ANXA8: variants seen among roughly 807,000 people sequenced by gnomAD.
ANXA8 encodes VAC-beta.
ANXA8 carries 9 observed loss-of-function variants against 26.8 expected under a neutral mutation model. The ratio of observed to expected loss-of-function variants is 0.34; its 90% CI spans 0.20 to 0.59. The LOEUF (loss-of-function observed/expected upper bound fraction) is 0.59. ANXA8 is among the 20% of genes least tolerant of loss of function. ANXA8 has a pLI of 0.84. For synonymous variants in ANXA8, 39 were observed against 94.8 expected (o/e 0.41, Z 3.42); for missense variants, 83 against 238.5 (o/e 0.35, Z 4.29).
At chr10:47,974,169 G>C in the ANXA8 span, among the ~76,000 whole-genome samples, 1 of 150,404 alleles carries the variant, frequency 6.6e-6, no homozygotes, top group East Asian at 2.0e-4. Context: ...TACAAATTCT[G>C]CTTCTGGCAG....
chr10:47,560,740 G>A, the ANXA8 span, among the ~76,000 whole-genome samples: 2 of 152,044 alleles, frequency 1.3e-5, no homozygotes. Context: ...TCCTGGCTTA[G>A]TGTAGTTATC....
At chr10:47,531,770 CA>C in the ANXA8 span, among the ~76,000 whole-genome samples, 1 of 145,156 alleles carries the variant, frequency 6.9e-6, no homozygotes, top group Admixed American at 6.6e-5. Flanking sequence ...TGTAATGTTC[CA>C]AATGAGGCCA....
At chr10:47,775,694 TA>T in the ANXA8 span, among the ~76,000 whole-genome samples, 1 of 133,268 alleles carries the variant, frequency 7.5e-6, no homozygotes, top group Non-Finnish European at 1.6e-5. Context: ...TATTGCCTAA[TA>T]CAATAATTCT....
the ANXA8 span, among the ~76,000 whole-genome samples, chr10:47,952,165 T>C: frequency 6.6e-6 from 1 of 151,284 alleles, no homozygotes; most frequent in Non-Finnish European, 1.5e-5. Flanking sequence ...ACAGGTATTA[T>C]CAAATTTGAT....
chr10:47,681,534 T>TC, the ANXA8 span, among the ~76,000 whole-genome samples: 1 of 133,068 alleles, frequency 7.5e-6, no homozygotes, highest in East Asian at 2.4e-4. Context: ...TTTTTTTTTT[T>TC]TTTTTTTTTT....
the ANXA8 span, among the ~76,000 whole-genome samples, chr10:47,492,937 T>G: frequency 6.6e-6 from 1 of 150,952 alleles, no homozygotes; most frequent in African/African-American, 2.5e-5. Context: ...TGTCGGGGCC[T>G]GATTAGTTTA....
At chr10:47,984,461 CAAAG>C in the ANXA8 span, among the ~76,000 whole-genome samples, 1 of 134,330 alleles carries the variant, frequency 7.4e-6, no homozygotes, top group African/African-American at 2.7e-5. Context: ...AATATCAAAA[CAAAG>C]AAACTGACAT....
At chr10:47,686,437 C>T in the ANXA8 span, among the ~76,000 whole-genome samples, 5 of 151,738 alleles carry the variant, frequency 3.3e-5, no homozygotes, top group Non-Finnish European at 2.9e-5. Context: ...GGCTTGAACT[C>T]CTGACCTCAG....
At chr10:47,651,063 G>A in the ANXA8 span, among the ~76,000 whole-genome samples, 6 of 151,474 alleles carry the variant, frequency 4.0e-5, no homozygotes, top group African/African-American at 9.7e-5. Context: ...GGAGATAGGC[G>A]TGGTTTGTGC....
chr10:47,590,459 C>T, the ANXA8 span: 8 of 146,838 alleles, frequency 5.4e-5, 1 homozygote, highest in African/African-American at 2.2e-4. Flanking sequence ...TTCCAGTTTC[C>T]TCCCAAAGAG....
chr10:47,647,163 T>A, the ANXA8 span, among the ~76,000 whole-genome samples: 3 of 152,356 alleles, frequency 2.0e-5, no homozygotes, highest in East Asian at 3.9e-4. Context: ...CTTCTTGCAT[T>A]AACTGCAATA....
At chr10:47,560,135 G>A in the ANXA8 span, among the ~76,000 whole-genome samples, 1 of 151,850 alleles carries the variant, frequency 6.6e-6, no homozygotes, top group Non-Finnish European at 1.5e-5. Context: ...TGTGGAAGGA[G>A]AGGTCTGGTT....
At chr10:47,953,745 G>A in the ANXA8 span, among the ~76,000 whole-genome samples, 20,015 of 145,012 alleles carry the variant, frequency 0.14, 235 homozygotes, top group African/African-American at 0.2. Context: ...CTGAATAGAC[G>A]CTTCTCAAAA....
At chr10:47,684,342 C>G in the ANXA8 span, among the ~76,000 whole-genome samples, 2 of 151,712 alleles carry the variant, frequency 1.3e-5, no homozygotes, top group Non-Finnish European at 2.9e-5. Flanking sequence ...TATTTAGTAG[C>G]AGTAGCCTTT....
chr10:47,668,027 C>T, the ANXA8 span, among the ~76,000 whole-genome samples: 15 of 151,822 alleles, frequency 9.9e-5, no homozygotes, highest in Non-Finnish European at 1.6e-4. Context: ...CGTGAGCCAC[C>T]GTGCCTGGCT....
At chr10:47,565,988 T>A in the ANXA8 span, 4 of 1,443,302 alleles carry the variant, frequency 2.8e-6, no homozygotes, top group African/African-American at 3.0e-5. Flanking sequence ...GGGGAGCTTC[T>A]CGGGCAGCGT....
At chr10:47,982,468 G>A in the ANXA8 span, among the ~76,000 whole-genome samples, 2 of 146,472 alleles carry the variant, frequency 1.4e-5, no homozygotes, top group South Asian at 2.2e-4. Context: ...AATTCAAGAG[G>A]ATTAAAAAAA....
the ANXA8 span, among the ~76,000 whole-genome samples, chr10:47,966,091 G>T: frequency 7.0e-6 from 1 of 142,754 alleles, no homozygotes; most frequent in East Asian, 2.0e-4. Flanking sequence ...AGCCAAGTTG[G>T]AAGTGGGAGA....
the ANXA8 span, chr10:47,502,418 A>G: frequency 6.2e-7 from 1 of 1,610,832 alleles, no homozygotes; most frequent in Admixed American, 1.7e-5. Flanking sequence ...TTCTCCTCAT[A>G]TTTGGAACGG....
Sources: allele counts gnomAD v4.1 joint callset (sites outside exome capture counted in the v4.1 genomes callset), GRCh38; gene constraint gnomAD v4.1.1; transcripts MANE v1.5; gene names NCBI Gene and HGNC (gene_info 2026-07-23, HGNC 2026-07-21).